The following PCSK5 variants were observed in gnomAD, a reference collection of about 807,000 sequenced individuals.
The protein encoded by PCSK5 is prohormone convertase 5.
In PCSK5, 129 loss-of-function variants were observed where a neutral mutation model predicts 233.2. The ratio of observed to expected loss-of-function variants is 0.55; its 90% CI spans 0.48 to 0.64. The LOEUF (loss-of-function observed/expected upper bound fraction) is 0.64. Ranked by LOEUF, PCSK5 falls within the 30% of genes least tolerant of loss-of-function variation. PCSK5 has a pLI of 0.00. For synonymous variants in PCSK5, 825 were observed against 879.2 expected (o/e 0.94, Z 1.09); for missense variants, 2,076 against 2,430.1 (o/e 0.85, Z 3.06).
chr9:76,291,342 G>C (rs1282268167), intron 24 of PCSK5, among the ~76,000 whole-genome samples: 1 of 152,130 alleles, frequency 6.6e-6, no homozygotes, highest in African/African-American at 2.4e-5. Context: ...GTTTTATTTT[G>C]TTAATTAAAG....
In PCSK5 at chr9:76,242,641, G is replaced by C. The variant is rs940308995; in HGVS notation, c.3142+1957G>C. ...AAGTGATAGAAGATGAGTTTGCACA[G>C]AGCAATGATGAATGTTTTGATTATC... On this transcript the variant is annotated intron_variant, in intron 24 of 37. Transcript: ENST00000674117. 2.0e-5 allele frequency among the ~76,000 whole-genome samples: 3 copies of C among 152,316 alleles called. No homozygotes were observed. In the East Asian group the frequency reaches 5.8e-4, roughly 29 times the overall value.
intron 17 of PCSK5, among the ~76,000 whole-genome samples, chr9:76,186,464 A>G (rs537509175): frequency 2.0e-4 from 30 of 152,212 alleles, no homozygotes; most frequent in Non-Finnish European, 4.3e-4. Flanking sequence ...CTCAGTAGCC[A>G]TGTGTGCCAG....
chr9:75,933,219 G>T (rs1431172740), intron 2 of PCSK5, among the ~76,000 whole-genome samples: 2 of 152,160 alleles, frequency 1.3e-5, no homozygotes, highest in African/African-American at 2.4e-5. Context: ...CTCTGAGGTC[G>T]AGTTCAGTAT....
intron 1 of PCSK5, among the ~76,000 whole-genome samples, chr9:75,894,103 C>G (rs1825717153): frequency 6.6e-6 from 1 of 152,148 alleles, no homozygotes; most frequent in South Asian, 2.1e-4. Flanking sequence ...GTTTTTTACC[C>G]ATTTGGGCTT....
chr9:76,272,346 G>C (rs549776111), intron 24 of PCSK5, among the ~76,000 whole-genome samples: 1 of 152,168 alleles, frequency 6.6e-6, no homozygotes, highest in South Asian at 2.1e-4. Flanking sequence ...TAGTCTCTCT[G>C]ATTCCAGTCT....
intron 24 of PCSK5, among the ~76,000 whole-genome samples, chr9:76,268,065 A>G (rs919175854): frequency 2.6e-5 from 4 of 152,194 alleles, no homozygotes; most frequent in Admixed American, 2.6e-4. Flanking sequence ...ACAGACTAAG[A>G]CATCTGCCAT....
chr9:76,202,024 G>A (rs1192638498), intron 20 of PCSK5, among the ~76,000 whole-genome samples: 1 of 152,166 alleles, frequency 6.6e-6, no homozygotes, highest in African/African-American at 2.4e-5. Context: ...AAATCACAAT[G>A]GTTGCAATAT....
At chr9:76,027,720 T>C (rs1828489616) in intron 5 of PCSK5, among the ~76,000 whole-genome samples, 1 of 152,142 alleles carries the variant, frequency 6.6e-6, no homozygotes, top group Non-Finnish European at 1.5e-5. Flanking sequence ...TGGGTTTTCT[T>C]GCTTACATAA....
intron 3 of PCSK5, among the ~76,000 whole-genome samples, chr9:76,022,465 A>C (rs113210679): frequency 0.028 from 4,308 of 152,286 alleles, 117 homozygotes; most frequent in African/African-American, 0.062. Context: ...GCAGGAAGAA[A>C]GTAGTGAATA....
At chr9:76,257,793 A>G (rs1403856928) in intron 24 of PCSK5, among the ~76,000 whole-genome samples, 7 of 152,028 alleles carry the variant, frequency 4.6e-5, no homozygotes, top group Non-Finnish European at 8.8e-5. Context: ...ACCTCTCCAA[A>G]CCTTAGTCAT....
chr9:76,259,989 A>G (rs939211045), intron 24 of PCSK5, among the ~76,000 whole-genome samples: 2 of 152,206 alleles, frequency 1.3e-5, no homozygotes, highest in Non-Finnish European at 2.9e-5. Flanking sequence ...TTTAGCCAGG[A>G]CAGCTTTGCT....
At chr9:76,041,784 A>G (rs1168953848) in intron 5 of PCSK5, among the ~76,000 whole-genome samples, 2 of 150,168 alleles carry the variant, frequency 1.3e-5, no homozygotes, top group African/African-American at 4.9e-5. Context: ...GGTTGCAGTG[A>G]GCCCAGATTG....
At chr9:76,006,574 T>C (rs555337681) in intron 3 of PCSK5, among the ~76,000 whole-genome samples, 1 of 152,198 alleles carries the variant, frequency 6.6e-6, no homozygotes, top group Non-Finnish European at 1.5e-5. Context: ...TTCTGTCTCT[T>C]TTCTCCTTCT....
At chr9:75,948,556 A>G (rs1323643506) in intron 2 of PCSK5, among the ~76,000 whole-genome samples, 1 of 151,924 alleles carries the variant, frequency 6.6e-6, no homozygotes, top group Admixed American at 6.6e-5. Context: ...AATCCAGTCT[A>G]TCATCGATGG....
At position 76,173,495 on chromosome 9, in the gene PCSK5, C is replaced by CTTT. The variant is rs1587715951; in HGVS notation, c.1757-1491_1757-1490insTTT. ...ACTTTAATGAAATGGAGGCACGTTT[C>CTTT]CTTTTTTTTTTTTTTTTTTTTTTTT... is the stretch of plus-strand genomic sequence containing the variant. On this transcript the variant is annotated intron_variant, in intron 13 of 37. Transcript: ENST00000674117. Among the ~76,000 whole-genome samples, 115 of 34,570 alleles carry CTTT rather than the reference C, an allele frequency of 3.3e-3. 6 individuals carry two copies. The highest frequency in any genetic ancestry group is 0.012 in the East Asian group (14 of 1,126). 22.7% of individuals were successfully genotyped at this position (34,570 alleles called of 152,430 possible). A position where few individuals can be genotyped will look rare whatever the true frequency, so the allele number is the denominator to read the frequency against.
chr9:76,114,284 A>G lies in PCSK5; in HGVS notation c.1208+6933A>G, dbSNP rs531930060. The stretch of plus-strand genomic sequence containing the variant: ...GATGTACTGTCCTGAACTATTCCCT[A>G]TAGTGAAATAATTGTAACCAGACCC... On this transcript the variant is annotated intron_variant, in intron 9 of 37. Coordinates refer to ENST00000674117, the MANE Select transcript of PCSK5 (RefSeq NM_001372043.1). Among the ~76,000 whole-genome samples the G allele has an allele frequency of 1.4e-4, 21 of 152,268 alleles. No homozygotes were observed. The South Asian group carries it at 2.9e-3, about 21-fold the overall frequency.
At chr9:76,238,264 G>A (rs1334647560) in intron 22 of PCSK5, among the ~76,000 whole-genome samples, 1 of 152,214 alleles carries the variant, frequency 6.6e-6, no homozygotes, top group Non-Finnish European at 1.5e-5. Context: ...TTTGTAACTA[G>A]TTAGACTTTT....
chr9:76,084,980 G>A (rs1831005309), intron 7 of PCSK5, among the ~76,000 whole-genome samples: 1 of 152,220 alleles, frequency 6.6e-6, no homozygotes, highest in Non-Finnish European at 1.5e-5. Context: ...CCTATAGCCA[G>A]TTGAGGTGGG....
chr9:76,296,004 G>A (rs560805916), intron 26 of PCSK5, among the ~76,000 whole-genome samples: 1 of 152,322 alleles, frequency 6.6e-6, no homozygotes, highest in South Asian at 2.1e-4. Context: ...ATTTTTCAAG[G>A]CCTCAAGGAT....
Sources: allele counts gnomAD v4.1 joint callset (sites outside exome capture counted in the v4.1 genomes callset), GRCh38; gene constraint gnomAD v4.1.1; transcripts MANE v1.5; gene names NCBI Gene and HGNC (gene_info 2026-07-23, HGNC 2026-07-21).